MCPH1: variants seen among roughly 807,000 people sequenced by gnomAD.
The protein encoded by MCPH1 is microcephalin 1.
MCPH1 carries 104 observed loss-of-function variants against 84.5 expected under a neutral mutation model. That is an observed-to-expected ratio of 1.23 (90% CI 1.05 to 1.45). The LOEUF (loss-of-function observed/expected upper bound fraction) is 1.45. Among genes scored for constraint, MCPH1 ranks in the 40% most tolerant of loss-of-function variants. The pLI, the probability that MCPH1 is intolerant of heterozygous loss-of-function variation, is 0.00. For synonymous variants in MCPH1, 514 were observed against 366.8 expected (o/e 1.40, Z -4.58); for missense variants, 1,498 against 1,005.7 (o/e 1.49, Z -6.62).
At chr8:6,505,604 A>T (rs1813437768) in intron 12 of MCPH1, among the ~76,000 whole-genome samples, 1 of 127,286 alleles carries the variant, frequency 7.9e-6, no homozygotes, top group Non-Finnish European at 1.6e-5. Flanking sequence ...TATGGAATAT[A>T]TATATTCTTT....
chr8:6,562,716 G>T, intron 12 of MCPH1: 2 of 1,613,356 alleles, frequency 1.2e-6, no homozygotes, highest in Non-Finnish European at 1.7e-6. Context: ...CCGAGTCATC[G>T]TATTCGAGCG....
At chr8:6,631,925 A>G (rs759440365) in intron 13 of MCPH1, among the ~76,000 whole-genome samples, 1 of 152,248 alleles carries the variant, frequency 6.6e-6, no homozygotes, top group Non-Finnish European at 1.5e-5. Context: ...GCCAAAAGGC[A>G]GAAGCCCAAG....
chr8:6,525,932 T>C (rs549392058), intron 12 of MCPH1, among the ~76,000 whole-genome samples: 1 of 152,282 alleles, frequency 6.6e-6, no homozygotes, highest in East Asian at 1.9e-4. Context: ...AGTTTTAGCA[T>C]TGTAGCATGC....
rs548638250 is a variant in MCPH1, at chr8:6,562,519, C to CGCTCTCCA, written c.2215-58929_2215-58922dup. Reference sequence around the variant, plus strand: ...CTTTCATTTGAGGGTACCAGCAACCCGCTCTCCAGCTCTAATCCTCTTCAT... The same window carrying CGCTCTCCA: ...CTTTCATTTGAGGGTACCAGCAACCCGCTCTCCAGCTCTCCAGCTCTAATCCTCTTCAT... On this transcript the variant is annotated intron_variant, in intron 12 of 13. Transcript: ENST00000344683. 7.4e-5 allele frequency: 60 copies of CGCTCTCCA among 811,942 alleles called. No homozygotes were observed. In the Admixed American group the frequency reaches 9.8e-4, roughly 13 times the overall value. The allele number at this position is 811,942 out of a possible 1,614,324, so 50.3% of individuals were successfully genotyped here. A position where few individuals can be genotyped will look rare whatever the true frequency, so the allele number is the denominator to read the frequency against.
chr8:6,618,199 G>A (rs917238010), intron 12 of MCPH1, among the ~76,000 whole-genome samples: 2 of 152,302 alleles, frequency 1.3e-5, no homozygotes, highest in Admixed American at 1.3e-4. Flanking sequence ...TTGATCTCCA[G>A]GTAACACACA....
intron 12 of MCPH1, among the ~76,000 whole-genome samples, chr8:6,550,856 T>A (rs1410868555): frequency 6.6e-6 from 1 of 152,182 alleles, no homozygotes; most frequent in Non-Finnish European, 1.5e-5. Context: ...AAATGCCAGC[T>A]GCCACCACAG....
At chr8:6,480,358 A>G (rs1170875448) in intron 10 of MCPH1, among the ~76,000 whole-genome samples, 2 of 151,684 alleles carry the variant, frequency 1.3e-5, no homozygotes, top group African/African-American at 4.8e-5. Context: ...ACTCCTGGTG[A>G]TCCACCCGCC....
chr8:6,407,387 T>C (rs932560747), intron 1 of MCPH1, among the ~76,000 whole-genome samples: 2 of 152,090 alleles, frequency 1.3e-5, no homozygotes, highest in African/African-American at 4.8e-5. Context: ...CATCGGACGT[T>C]TAGGTGACTC....
chr8:6,469,200 T>G (rs1807396531), intron 9 of MCPH1, among the ~76,000 whole-genome samples: 1 of 152,070 alleles, frequency 6.6e-6, no homozygotes, highest in Non-Finnish European at 1.5e-5. Flanking sequence ...AAAAGAAACT[T>G]AAAGATTTTA....
At chr8:6,598,565 G>T (rs1586752055) in intron 12 of MCPH1, among the ~76,000 whole-genome samples, 1 of 152,316 alleles carries the variant, frequency 6.6e-6, no homozygotes, top group East Asian at 1.9e-4. Context: ...CTCTCCTCGG[G>T]GCAAAGCAGG....
At chr8:6,420,794 A>C (rs111886216) in intron 3 of MCPH1, among the ~76,000 whole-genome samples, 14 of 152,318 alleles carry the variant, frequency 9.2e-5, no homozygotes, top group African/African-American at 2.9e-4. Flanking sequence ...AAGGTATCCA[A>C]GTTACCGGCA....
intron 12 of MCPH1, among the ~76,000 whole-genome samples, chr8:6,577,321 G>C (rs1827205010): frequency 6.6e-6 from 1 of 152,152 alleles, no homozygotes; most frequent in Non-Finnish European, 1.5e-5. Context: ...CCAGAACCCG[G>C]TGCATTTGGA....
At chr8:6,425,879 T>G (rs951181350) in intron 3 of MCPH1, among the ~76,000 whole-genome samples, 6 of 152,200 alleles carry the variant, frequency 3.9e-5, no homozygotes, top group African/African-American at 7.2e-5. Context: ...ACTGTGTATT[T>G]GATAACACGA....
rs1479136636 is a variant in MCPH1, at chr8:6,458,702, T to G, written c.1935+3450T>G. Among the ~76,000 whole-genome samples, 6 of 152,272 alleles carry G rather than the reference T, an allele frequency of 3.9e-5. No individual in the cohort carries two copies. In the East Asian group the frequency reaches 1.2e-3, roughly 29 times the overall value. On this transcript the variant is annotated intron_variant, in intron 9 of 13. Coordinates refer to ENST00000344683, the MANE Select transcript of MCPH1 (RefSeq NM_024596.5). Reference sequence around the variant, plus strand: ...CTCTGATGCCCAGGCTAGAGTGTACTGGTGTTATCTCGGCTCACTGCAACC... The same window carrying G: ...CTCTGATGCCCAGGCTAGAGTGTACGGGTGTTATCTCGGCTCACTGCAACC...
intron 11 of MCPH1, among the ~76,000 whole-genome samples, chr8:6,481,168 G>C (rs1550689): frequency 6.6e-6 from 1 of 152,180 alleles, no homozygotes; most frequent in Non-Finnish European, 1.5e-5. Context: ...AGAAACGCAA[G>C]ATGCATGTTC....
chr8:6,569,359 C>T (rs889534084), intron 12 of MCPH1, among the ~76,000 whole-genome samples: 1 of 152,168 alleles, frequency 6.6e-6, no homozygotes, highest in African/African-American at 2.4e-5. Flanking sequence ...TGAAGACCCA[C>T]AAATGCAGTC....
chr8:6,513,555 A>T (rs2442629), intron 12 of MCPH1: 1 of 626,538 alleles, frequency 1.6e-6, no homozygotes, highest in East Asian at 3.4e-5. Context: ...GGATGGTCTC[A>T]ATCTCCTGAC....
intron 12 of MCPH1, among the ~76,000 whole-genome samples, chr8:6,563,837 G>A (rs1268246974): frequency 6.6e-6 from 1 of 152,104 alleles, no homozygotes; most frequent in Non-Finnish European, 1.5e-5. Context: ...AGAAACATCA[G>A]TTTCTGAGCT....
chr8:6,627,218 G>A (rs2129581671), intron 13 of MCPH1: 1 of 985,406 alleles, frequency 1.0e-6, no homozygotes, highest in Non-Finnish European at 1.2e-6. Flanking sequence ...TCCTGATTCA[G>A]TAGATATGTG....
Sources: gnomAD v4.1 joint callset for allele counts (sites outside exome capture counted in the v4.1 genomes callset) on GRCh38, gnomAD v4.1.1 for gene constraint, MANE v1.5 for transcripts, NCBI Gene and HGNC (gene_info 2026-07-23, HGNC 2026-07-21) for gene names.